MYO7B: variants seen among roughly 807,000 people sequenced by gnomAD.
MYO7B encodes the protein myosin VIIB.
In MYO7B, 212 loss-of-function variants were observed where a neutral mutation model predicts 259.7. The ratio of observed to expected loss-of-function variants is 0.82; its 90% CI spans 0.73 to 0.91. The LOEUF is 0.91. Among genes scored for constraint, MYO7B ranks in the 40% least tolerant of loss-of-function variants. The pLI is 0.00. For missense variants in MYO7B, 2,732 were observed against 2,813.5 expected (o/e 0.97, Z 0.66); for synonymous variants, 1,197 against 1,166.4 (o/e 1.03, Z -0.54).
Position 127,615,479 on chromosome 2 carries a change from C to T in MYO7B, c.3398+2876C>T, listed in dbSNP as rs908188322. ...AGACAGCCCCCGCCCTGAGCTTCTT[C>T]AGCCCTTAGTATTTATTGGGTAGAA... On this transcript the variant is annotated intron_variant, in intron 26 of 47. Coordinates refer to ENST00000409816, the MANE Select transcript of MYO7B (RefSeq NM_001393586.1). This position sits in a 1 kb window ranked among gnomAD's most constrained non-coding sequence, Gnocchi z 4.4. 1.3e-5 allele frequency among the ~76,000 whole-genome samples: 2 copies of T among 152,138 alleles called. 1 individual carries two copies. The highest frequency in any genetic ancestry group is 4.2e-4 in the South Asian group (2 of 4,818).
intron 38 of MYO7B, among the ~76,000 whole-genome samples, 159 bp downstream of exon 38, chr2:127,631,912 C>G (rs889054224): frequency 6.6e-6 from 1 of 152,252 alleles, no homozygotes. Flanking sequence ...CCTTGGTCTG[C>G]TCTGCTGATG....
rs765523412 is a variant in MYO7B, at chr2:127,609,921, AGCAGCCAGCAGG to A, written c.3103_3114del (p.Gln1035_Ser1038del). 6.2e-7 allele frequency: 1 copy of A among 1,609,888 alleles called. No individual in the cohort carries two copies. Among genetic ancestry groups the A allele is most frequent in the Non-Finnish European group, 8.5e-7 (1 of 1,177,972 alleles). On this transcript the variant is annotated inframe_deletion, in exon 24 of 48. Coordinates refer to ENST00000409816, the MANE Select transcript of MYO7B (RefSeq NM_001393586.1). This position sits in a 1 kb window ranked among gnomAD's most constrained non-coding sequence, Gnocchi z 6.9. ...CCCAGAGCCAGTGCTGTATGCCAGG[AGCAGCCAGCAGG>A]GCAGCTCAGTGATGCGGCAGATCCA... is the stretch of plus-strand genomic sequence containing the variant.
chr2:127,600,311 C>T (rs555918855), intron 19 of MYO7B, among the ~76,000 whole-genome samples: 2 of 152,214 alleles, frequency 1.3e-5, no homozygotes, highest in South Asian at 4.1e-4. Context: ...TTATTATCCT[C>T]TTGATATCTG....
chr2:127,634,100 A>T, intron 40 of MYO7B, 76 bp from the exon 41 acceptor site: 2 of 1,197,374 alleles, frequency 1.7e-6, no homozygotes, highest in Non-Finnish European at 2.4e-6. Flanking sequence ...CAAAAGTGCC[A>T]GGCTAGGAAG....
chr2:127,586,848 C>G lies in MYO7B; in HGVS notation c.1691-1544C>G, dbSNP rs569385954. Among the ~76,000 whole-genome samples, 2 of 152,088 alleles carry G rather than the reference C, an allele frequency of 1.3e-5. No homozygotes were observed. Among genetic ancestry groups the G allele is most frequent in the Non-Finnish European group, 2.9e-5 (2 of 68,008 alleles). Reference sequence around the variant, plus strand: ...CTGAACCCAGGAGTGTCTCAACCCTCCCCACCCTTAAAACATCCAGGGAGC... The same window carrying G: ...CTGAACCCAGGAGTGTCTCAACCCTGCCCACCCTTAAAACATCCAGGGAGC... On this transcript the variant is annotated intron_variant, in intron 14 of 47. Transcript: ENST00000409816. The surrounding 1 kb of genome is among the most constrained non-coding windows in gnomAD (Gnocchi z 4.8).
intron 12 of MYO7B, among the ~76,000 whole-genome samples, chr2:127,582,823 C>T (rs1209658513): frequency 1.3e-5 from 2 of 152,194 alleles, no homozygotes; most frequent in Admixed American, 6.5e-5. Context: ...ATTTGCAGAC[C>T]ATCCCTGATT....
At chr2:127,610,166 G>A (rs940114677) in intron 24 of MYO7B, 150 bp downstream of exon 24, 84 of 1,087,088 alleles carry the variant, frequency 7.7e-5, no homozygotes, top group Non-Finnish European at 6.4e-6. Flanking sequence ...CCAGGCCATG[G>A]TGCAGGCACT....
rs745811337 is a variant in MYO7B at position 127,620,474 on chromosome 2, G to C, written c.3525+8G>C. On this transcript the variant is annotated splice_region_variant and intron_variant, in intron 27 of 47. Coordinates refer to ENST00000409816, the MANE Select transcript of MYO7B (RefSeq NM_001393586.1). ...TCAGAGAGGTTCATGAAGGTGAGAG[G>C]GTTCATGAAGGGAGGGCGGGCAGGG... The C allele has an allele frequency of 3.2e-6, 5 of 1,542,308 alleles. No individual in the cohort carries two copies. The highest frequency in any genetic ancestry group is 2.3e-5 in the South Asian group (2 of 85,466).
Position 127,577,164 on chromosome 2 carries a change from G to A in MYO7B, c.849+456G>A, listed in dbSNP as rs73953645. Among the ~76,000 whole-genome samples the A allele has an allele frequency of 3.8e-3, 579 of 152,238 alleles. 6 individuals are homozygous for A. The highest frequency in any genetic ancestry group is 0.013 in the African/African-American group (554 of 41,534). On this transcript the variant is annotated intron_variant, in intron 8 of 47. Transcript: ENST00000409816. The surrounding 1 kb of genome is among the most constrained non-coding windows in gnomAD (Gnocchi z 5.2). The stretch of plus-strand genomic sequence containing the variant: ...AGGACAGGGCGGCACCACAGCCATC[G>A]CTCATTAGCTGAGGCTCCCTGGCCC...
chr2:127,582,204 CACAGTAGGTCCAAG>C, intron 11 of MYO7B, 86 bp from the exon 12 acceptor site: 1 of 1,495,370 alleles, frequency 6.7e-7, no homozygotes, highest in Non-Finnish European at 9.0e-7. Context: ...GGATAACATC[CACAGTAGGTCCAAG>C]ACATTCGGCC....
intron 41 of MYO7B, 74 bp downstream of exon 41, chr2:127,634,363 G>C: frequency 8.4e-7 from 1 of 1,196,170 alleles, no homozygotes. Flanking sequence ...GCCTGTGGGG[G>C]CCTCAGCCTA....
intron 15 of MYO7B, among the ~76,000 whole-genome samples, chr2:127,589,236 C>T (rs372601223): frequency 1.9e-4 from 9 of 46,836 alleles, no homozygotes; most frequent in East Asian, 7.3e-4. Flanking sequence ...GATAGATGGA[C>T]GGGCAGGTGG....
intron 26 of MYO7B, among the ~76,000 whole-genome samples, chr2:127,618,557 C>T (rs562295879): frequency 7.9e-5 from 12 of 152,300 alleles, no homozygotes; most frequent in African/African-American, 1.9e-4. Flanking sequence ...GGGCGGCAGA[C>T]GCAGTTTGTC....
chr2:127,576,556 G>T lies in MYO7B; in HGVS notation c.736-39G>T, dbSNP rs376486368. The T allele has an allele frequency of 2.9e-6, 4 of 1,374,748 alleles. No individual in the cohort carries two copies. The highest frequency in any genetic ancestry group is 4.1e-6 in the Non-Finnish European group (4 of 986,932). 85.2% of individuals were successfully genotyped at this position (1,374,748 alleles called of 1,614,324 possible). On this transcript the variant is annotated intron_variant, in intron 7 of 47. Transcript: ENST00000409816. The surrounding 1 kb of genome is among the most constrained non-coding windows in gnomAD (Gnocchi z 4.9). ...GAGGCCCTGAGGCCTCAGGGGAATG[G>T]CTCATGAATCTGTCTGGAATGCCCT...
chr2:127,554,066 ATTATTT>A (rs1429303092), intron 1 of MYO7B, among the ~76,000 whole-genome samples: 1 of 151,998 alleles, frequency 6.6e-6, no homozygotes, highest in African/African-American at 2.4e-5. Flanking sequence ...ACATTTATTT[ATTATTT>A]TTATTTATTT....
At position 127,535,947 on chromosome 2, in the gene MYO7B, T is replaced by C. The variant is rs1345279675; in HGVS notation, c.-24+116T>C. ...AATAAGATGGAACAGGTCTGAGGGA[T>C]AGAGAGTGGAGAAGCCCTTCAGGAG... On this transcript the variant is annotated intron_variant, in intron 1 of 47. Coordinates refer to ENST00000409816, the MANE Select transcript of MYO7B (RefSeq NM_001393586.1). The surrounding 1 kb of genome is among the most constrained non-coding windows in gnomAD (Gnocchi z 4.8). 6.6e-6 allele frequency: 1 copy of C among 152,106 alleles called. No individual in the cohort carries two copies. Among genetic ancestry groups the C allele is most frequent in the East Asian group, 1.9e-4 (1 of 5,156 alleles). 9.4% of individuals were successfully genotyped at this position (152,106 alleles called of 1,614,324 possible).
At position 127,544,161 on chromosome 2, in the gene MYO7B, C is replaced by T. The variant is rs1306221342; in HGVS notation, c.-24+8330C>T. The stretch of plus-strand genomic sequence containing the variant: ...ATGCAATCATAGCTCACTACAGCCT[C>T]GAACTCCCAGACTTAAGTGATCCTC... On this transcript the variant is annotated intron_variant, in intron 1 of 47. Transcript: ENST00000409816. 3.3e-5 allele frequency among the ~76,000 whole-genome samples: 5 copies of T among 152,216 alleles called. No individual in the cohort carries two copies. In the South Asian group the frequency reaches 6.2e-4, roughly 19 times the overall value.
chr2:127,633,307 G>T lies in MYO7B; in HGVS notation c.5455G>T (p.Glu1819Ter). The change falls in exon 40 of 48, where the codon GAG becomes TAG. Residue 1819 changes from glutamate (E) to a stop codon, truncating the protein, a stop_gained. Transcript: ENST00000409816. LOFTEE classifies it high-confidence loss of function. Reference protein sequence around the residue: ...PPHQVEVEAAEQNVSRICHKI... With the variant: ...PPHQVEVEAA ...GCACCAGGTGGAGGTGGAGGCCGCA[G>T]AGCAGAACGTCTCCCGCATCTGCCA... The T allele has an allele frequency of 6.2e-7, 1 of 1,612,800 alleles. No individual in the cohort carries two copies.
intron 1 of MYO7B, among the ~76,000 whole-genome samples, chr2:127,550,291 C>A (rs752908440): frequency 1.3e-5 from 2 of 152,138 alleles, no homozygotes; most frequent in African/African-American, 2.4e-5. Flanking sequence ...AAGGGCCAGG[C>A]GCAGTGGCTC....
Sources: allele counts gnomAD v4.1 joint callset (sites outside exome capture counted in the v4.1 genomes callset), GRCh38; gene constraint gnomAD v4.1.1; non-coding constraint Gnocchi (gnomAD v3.1); transcripts MANE v1.5; gene names NCBI Gene and HGNC (gene_info 2026-07-23, HGNC 2026-07-21).